The following PGR variants were observed in gnomAD, a reference collection of about 807,000 sequenced individuals.
PGR encodes progesterone receptor.
In PGR, 25 loss-of-function variants were observed where a neutral mutation model predicts 76.1. That is an observed-to-expected ratio of 0.33 (90% CI 0.24 to 0.46). PGR has a LOEUF of 0.46. PGR is among the 20% of genes least tolerant of loss of function. The pLI is 1.00. For missense variants in PGR, 1,172 were observed against 1,225.3 expected, an observed-to-expected ratio of 0.96 and a Z score of 0.65; for synonymous variants, 579 against 535.0, an observed-to-expected ratio of 1.08 and a Z score of -1.14.
intron 6 of PGR, among the ~76,000 whole-genome samples, chr11:101,044,940 C>T (rs1859816152): frequency 6.6e-6 from 1 of 152,044 alleles, no homozygotes. Context: ...CTCCTCACCT[C>T]AAGTGATTCG....
At chr11:101,065,682 G>T (rs1860686297) in intron 3 of PGR, among the ~76,000 whole-genome samples, 2 of 152,138 alleles carry the variant, frequency 1.3e-5, no homozygotes, top group Admixed American at 1.3e-4. Flanking sequence ...TGGGGTCAGT[G>T]GTCCCCCACT....
chr11:101,074,907 T>G (rs1861069384), intron 3 of PGR, among the ~76,000 whole-genome samples: 1 of 152,186 alleles, frequency 6.6e-6, no homozygotes, highest in Non-Finnish European at 1.5e-5. Flanking sequence ...ACCAAAGTAA[T>G]TTATAGATTC....
intron 2 of PGR, among the ~76,000 whole-genome samples, chr11:101,123,553 T>G (rs1862744314): frequency 6.6e-6 from 1 of 152,196 alleles, no homozygotes; most frequent in Non-Finnish European, 1.5e-5. Context: ...TCTCTCAATT[T>G]CCTAATGTGA....
At chr11:101,101,724 G>C (rs916819933) in intron 2 of PGR, among the ~76,000 whole-genome samples, 7 of 152,142 alleles carry the variant, frequency 4.6e-5, no homozygotes, top group Admixed American at 3.3e-4. Flanking sequence ...ACATTAAAAT[G>C]ACTTATAAAA....
In PGR at chr11:101,033,827, C is replaced by A. The variant is rs544873496; in HGVS notation, c.*5289G>T. On this transcript the variant is annotated 3_prime_UTR_variant, in exon 8 of 8. Transcript: ENST00000325455. ...GATCAGAAACTTAACATATAACTGACAAGACAAAAACATTTAACTGGGCTT... is the reference window on the plus strand; with the variant it reads ...GATCAGAAACTTAACATATAACTGAAAAGACAAAAACATTTAACTGGGCTT... The A allele has an allele frequency of 3.4e-5, 7 of 208,730 alleles. No individual in the cohort carries two copies. The highest frequency in any genetic ancestry group is 4.9e-5 in the Non-Finnish European group (5 of 102,670). 12.9% of individuals were successfully genotyped at this position (208,730 alleles called of 1,614,324 possible). A position where few individuals can be genotyped will look rare whatever the true frequency, so the allele number is the denominator to read the frequency against.
At chr11:101,078,157 C>G (rs1334778656) in intron 3 of PGR, among the ~76,000 whole-genome samples, 1 of 152,012 alleles carries the variant, frequency 6.6e-6, no homozygotes, top group South Asian at 2.1e-4. Context: ...GAAAGTTATT[C>G]TCTTTGCCAT....
chr11:101,058,152 C>T (rs1338615214), intron 4 of PGR, among the ~76,000 whole-genome samples: 3 of 152,228 alleles, frequency 2.0e-5, no homozygotes, highest in Non-Finnish European at 2.9e-5. Context: ...AGTTACTTTG[C>T]CAATAGTCCC....
chr11:101,050,920 AT>A, intron 5 of PGR: 1 of 244,534 alleles, frequency 4.1e-6, no homozygotes, highest in Non-Finnish European at 8.2e-6. Context: ...CTAAGTCAGC[AT>A]TTACCACTAG....
At chr11:101,052,310 TGTG>T (rs1860121678) in intron 4 of PGR, among the ~76,000 whole-genome samples, 1 of 92,784 alleles carries the variant, frequency 1.1e-5, no homozygotes, top group Non-Finnish European at 2.4e-5. Context: ...TGTGTGTGTG[TGTG>T]TGTGTGTATT....
At position 101,051,480 on chromosome 11, in the gene PGR, G is replaced by A. The variant is rs202015854; in HGVS notation, c.2301C>T (p.Ser767=). ...GCATCTGCCCACTGACGTGTTTGTA[G>A]GATCTCCATCCTAGACCAAACACCA... The part of the protein sequence containing the change: ...SLMVFGLGWR[S]YKHVSGQMLY... Residue 767 remains serine (S), a synonymous_variant, in exon 5 of 8, where the codon TCC becomes TCT. Coordinates refer to ENST00000325455, the MANE Select transcript of PGR (RefSeq NM_000926.4). 1.2e-6 allele frequency: 2 copies of A among 1,607,458 alleles called. No homozygotes were observed. Among genetic ancestry groups the A allele is most frequent in the Non-Finnish European group, 1.7e-6 (2 of 1,174,258 alleles).
intron 2 of PGR, among the ~76,000 whole-genome samples, chr11:101,104,742 CTG>C (rs1862098401): frequency 6.6e-6 from 1 of 152,102 alleles, no homozygotes; most frequent in Non-Finnish European, 1.5e-5. Flanking sequence ...TCAGATACTG[CTG>C]TGTTTGTAAT....
chr11:101,096,779 C>T (rs1206098785), intron 2 of PGR, among the ~76,000 whole-genome samples: 1 of 152,212 alleles, frequency 6.6e-6, no homozygotes, highest in East Asian at 1.9e-4. Context: ...CACTCATAAA[C>T]CGTAGGTTGA....
intron 6 of PGR, among the ~76,000 whole-genome samples, chr11:101,046,399 C>T (rs1370942940): frequency 6.9e-6 from 1 of 144,142 alleles, no homozygotes; most frequent in African/African-American, 2.6e-5. Context: ...GCCATCTGCC[C>T]AGCTTGCCCT....
chr11:101,034,946 G>T lies in PGR; in HGVS notation c.*4170C>A, dbSNP rs1437397708. On this transcript the variant is annotated 3_prime_UTR_variant, in exon 8 of 8. Coordinates refer to ENST00000325455, the MANE Select transcript of PGR (RefSeq NM_000926.4). ...CACTCAGCCATGAATAAGAAAAAAA[G>T]AAACCACAAAACCTAGGTGATGTTC... 3 of 188,980 alleles carry T rather than the reference G, an allele frequency of 1.6e-5. No homozygotes were observed. Among genetic ancestry groups the T allele is most frequent in the Admixed American group, 6.2e-5 (1 of 16,216 alleles). 11.7% of individuals were successfully genotyped at this position (188,980 alleles called of 1,614,324 possible). A position where few individuals can be genotyped will look rare whatever the true frequency, so the allele number is the denominator to read the frequency against.
intron 4 of PGR, among the ~76,000 whole-genome samples, chr11:101,059,117 AG>A (rs747854472): frequency 6.6e-6 from 1 of 151,618 alleles, no homozygotes; most frequent in Non-Finnish European, 1.5e-5. Context: ...TTCTTATTTC[AG>A]CCATACTGTT....
At chr11:101,050,694 T>A (rs1860054891) in intron 5 of PGR, among the ~76,000 whole-genome samples, 1 of 152,092 alleles carries the variant, frequency 6.6e-6, no homozygotes, top group South Asian at 2.1e-4. Context: ...ACAAGAATAA[T>A]GAAAACTAGA....
chr11:101,064,331 C>CAAAAAAAAAAAAAA lies in PGR; in HGVS notation c.1907-1593_1907-1580dup, dbSNP rs10556132. 3.3e-4 allele frequency among the ~76,000 whole-genome samples: 13 copies of CAAAAAAAAAAAAAA among 39,448 alleles called. 3 individuals are homozygous for CAAAAAAAAAAAAAA. Among genetic ancestry groups the CAAAAAAAAAAAAAA allele is most frequent in the African/African-American group, 9.7e-4 (7 of 7,248 alleles). 25.9% of individuals were successfully genotyped at this position (39,448 alleles called of 152,430 possible). A position where few individuals can be genotyped will look rare whatever the true frequency, so the allele number is the denominator to read the frequency against. ...AGGTGACAAGGGAGAAACTCCACCT[C>CAAAAAAAAAAAAAA]AAAAAAAAAAAAAAAAAAAAAAAAA... On this transcript the variant is annotated intron_variant, in intron 3 of 7. Transcript: ENST00000325455.
rs1372643781 is a variant in PGR, at chr11:101,128,980, G to A, written c.91C>T (p.Pro31Ser). 6.3e-7 allele frequency: 1 copy of A among 1,599,612 alleles called. No homozygotes were observed. Among genetic ancestry groups the A allele is most frequent in the African/African-American group, 1.3e-5 (1 of 74,766 alleles). The change falls in exon 1 of 8, where the codon CCA (proline) becomes TCA (serine). Residue 31 changes from proline (P) to serine (S), a missense_variant. By Grantham distance (74) the Pro-to-Ser change is moderately conservative. This residue lies in a region of PGR where 893 missense variants were observed against 785.9 expected (regional missense o/e 1.14). Coordinates refer to ENST00000325455, the MANE Select transcript of PGR (RefSeq NM_000926.4). ...PEVGSPLLCR[P>S]AAGPFPGSQT... is the part of the protein sequence containing the mutation. ...CTCCCCGGGAACGGACCTGCGGCTG[G>A]GCGACACAGCAGTGGGGATCCGACC...
intron 3 of PGR, among the ~76,000 whole-genome samples, chr11:101,076,649 A>C (rs1861137562): frequency 6.6e-6 from 1 of 151,888 alleles, no homozygotes; most frequent in Non-Finnish European, 1.5e-5. Context: ...TTTTATGACA[A>C]GTGATATGAA....
Sources: gnomAD v4.1 joint callset for allele counts (sites outside exome capture counted in the v4.1 genomes callset) on GRCh38, gnomAD v4.1.1 for gene constraint, gnomAD v4.1.1 regional missense constraint, MANE v1.5 for transcripts, NCBI Gene and HGNC (gene_info 2026-07-23, HGNC 2026-07-21) for gene names.